Variants in MGAT4C observed in about 807,000 individuals in gnomAD.
The protein encoded by MGAT4C is MGAT4 family member C.
In MGAT4C, 19 loss-of-function variants were observed where a neutral mutation model predicts 40.1. That is an observed-to-expected ratio of 0.47 (90% CI 0.33 to 0.70). MGAT4C has a LOEUF of 0.70. Among genes scored for constraint, MGAT4C ranks in the 30% least tolerant of loss-of-function variants. MGAT4C has a pLI of 0.02. For missense variants in MGAT4C, 491 were observed against 563.2 expected (o/e 0.87, Z 1.30); for synonymous variants, 181 against 187.1 (o/e 0.97, Z 0.27).
At chr12:86,052,969 T>C (rs964398588) in intron 1 of MGAT4C, among the ~76,000 whole-genome samples, 1 of 151,950 alleles carries the variant, frequency 6.6e-6, no homozygotes, top group South Asian at 2.1e-4. Context: ...GCAGCAAAGG[T>C]ACTAGGAGGC....
intron 2 of MGAT4C, among the ~76,000 whole-genome samples, chr12:86,697,607 T>C (rs879624595): frequency 6.6e-6 from 1 of 152,086 alleles, no homozygotes; most frequent in African/African-American, 2.4e-5. Flanking sequence ...ATGTTTTTCT[T>C]TGGAGGAACC....
chr12:86,435,434 G>C (rs1957119507), intron 2 of MGAT4C, among the ~76,000 whole-genome samples: 1 of 151,692 alleles, frequency 6.6e-6, no homozygotes, highest in South Asian at 2.1e-4. Flanking sequence ...GTTCAATACT[G>C]AGATTAATAT....
chr12:86,022,802 G>T (rs1889884884), intron 2 of MGAT4C, among the ~76,000 whole-genome samples: 1 of 152,066 alleles, frequency 6.6e-6, no homozygotes, highest in Non-Finnish European at 1.5e-5. Context: ...AATTGTTAGA[G>T]GCATGATGTT....
chr12:86,311,689 T>G, intron 4 of MGAT4C, among the ~76,000 whole-genome samples: 1 of 152,226 alleles, frequency 6.6e-6, no homozygotes, highest in Middle Eastern at 3.2e-3. Context: ...CTTTAAATTA[T>G]TACTAATTTT....
chr12:86,441,713 A>G (rs78209203), intron 2 of MGAT4C, among the ~76,000 whole-genome samples: 4,110 of 152,114 alleles, frequency 0.027, 153 homozygotes, highest in African/African-American at 0.086. Flanking sequence ...TCCATGGTGT[A>G]TATGTGCCAC....
chr12:86,381,303 A>T (rs1955924063), intron 3 of MGAT4C, among the ~76,000 whole-genome samples: 1 of 152,200 alleles, frequency 6.6e-6, no homozygotes, highest in Admixed American at 6.5e-5. Flanking sequence ...ATTTAGAGAA[A>T]AAAGACATAT....
At chr12:86,787,921 A>C (rs546299706) in intron 1 of MGAT4C, among the ~76,000 whole-genome samples, 6 of 152,178 alleles carry the variant, frequency 3.9e-5, no homozygotes, top group Admixed American at 2.0e-4. Flanking sequence ...GGGAGAGTAA[A>C]AGACTGCAGT....
chr12:86,552,413 A>G (rs1410368453), intron 2 of MGAT4C, among the ~76,000 whole-genome samples: 3 of 152,132 alleles, frequency 2.0e-5, no homozygotes, highest in East Asian at 1.9e-4. Flanking sequence ...TTCAAAGAAT[A>G]TAAAATTATA....
At chr12:86,369,344 G>C (rs1323066541) in intron 3 of MGAT4C, among the ~76,000 whole-genome samples, 1 of 151,786 alleles carries the variant, frequency 6.6e-6, no homozygotes, top group Admixed American at 6.6e-5. Flanking sequence ...TGGTAATTAT[G>C]GAACTGTAAG....
At chr12:86,478,807 G>T (rs185800561) in intron 2 of MGAT4C, among the ~76,000 whole-genome samples, 2 of 151,934 alleles carry the variant, frequency 1.3e-5, no homozygotes, top group African/African-American at 2.4e-5. Context: ...CTGAGGAAGG[G>T]ATATTGAAAT....
intron 2 of MGAT4C, among the ~76,000 whole-genome samples, chr12:86,668,906 C>T (rs1224741552): frequency 6.6e-6 from 1 of 152,172 alleles, no homozygotes; most frequent in Non-Finnish European, 1.5e-5. Flanking sequence ...TGCTCCACCC[C>T]CAGACAGAAA....
At chr12:86,792,820 AC>A (rs1051519850) in intron 1 of MGAT4C, among the ~76,000 whole-genome samples, 2 of 151,892 alleles carry the variant, frequency 1.3e-5, no homozygotes, top group Non-Finnish European at 2.9e-5. Flanking sequence ...AATCCCAACT[AC>A]CCGGGAGGCT....
intron 2 of MGAT4C, among the ~76,000 whole-genome samples, chr12:86,441,290 A>G (rs1339030711): frequency 6.6e-6 from 1 of 151,812 alleles, no homozygotes; most frequent in Non-Finnish European, 1.5e-5. Flanking sequence ...GCAACAAAAT[A>G]GAGAATTCAG....
intron 1 of MGAT4C, among the ~76,000 whole-genome samples, chr12:86,731,760 G>A (rs370498816): frequency 6.6e-5 from 10 of 151,978 alleles, no homozygotes; most frequent in South Asian, 4.1e-4. Flanking sequence ...TTTCTGCTAC[G>A]GATTGGGGGC....
intron 2 of MGAT4C, among the ~76,000 whole-genome samples, chr12:86,666,459 C>G (rs1368726657): frequency 6.6e-6 from 1 of 152,026 alleles, no homozygotes; most frequent in East Asian, 1.9e-4. Flanking sequence ...CTTTCCTTAA[C>G]ATCTTCTGGC....
intron 1 of MGAT4C, among the ~76,000 whole-genome samples, chr12:86,222,666 A>T (rs1378400794): frequency 6.6e-6 from 1 of 152,310 alleles, no homozygotes; most frequent in East Asian, 1.9e-4. Flanking sequence ...AACGTTTAAG[A>T]TTTTGAAACT....
At chr12:86,121,902 T>A (rs1165196938) in intron 1 of MGAT4C, among the ~76,000 whole-genome samples, 3 of 152,212 alleles carry the variant, frequency 2.0e-5, no homozygotes, top group Non-Finnish European at 4.4e-5. Context: ...CCAAGGGTTA[T>A]ACAAATGATT....
intron 1 of MGAT4C, among the ~76,000 whole-genome samples, chr12:86,793,835 T>C (rs1187764742): frequency 1.3e-5 from 2 of 152,056 alleles, no homozygotes; most frequent in African/African-American, 4.8e-5. Context: ...TTGACAATTA[T>C]ATTTTATAGA....
intron 2 of MGAT4C, among the ~76,000 whole-genome samples, chr12:86,607,903 T>A (rs886604663): frequency 9.9e-5 from 15 of 152,094 alleles, no homozygotes; most frequent in Non-Finnish European, 2.1e-4. Flanking sequence ...CCATCATTAT[T>A]TGATTGATTG....
Sources: gnomAD v4.1 joint callset for allele counts (sites outside exome capture counted in the v4.1 genomes callset) on GRCh38, gnomAD v4.1.1 for gene constraint, MANE v1.5 for transcripts, NCBI Gene and HGNC (gene_info 2026-07-23, HGNC 2026-07-21) for gene names.